Variants in CCSER1 observed in about 807,000 individuals in gnomAD.
CCSER1 encodes serine-rich coiled-coil domain-containing protein 1.
In CCSER1, 41 loss-of-function variants were observed where a neutral mutation model predicts 82.0. The observed-to-expected ratio is 0.50, with a 90% confidence interval of 0.39 to 0.65. CCSER1 has a LOEUF of 0.65. Among genes scored for constraint, CCSER1 ranks in the 30% least tolerant of loss-of-function variants. CCSER1 has a pLI of 0.00. For missense variants in CCSER1, 1,119 were observed against 1,064.2 expected, an observed-to-expected ratio of 1.05 and a Z score of -0.72; for synonymous variants, 414 against 383.9, an observed-to-expected ratio of 1.08 and a Z score of -0.92.
rs571579190 is a variant in CCSER1, at chr4:90,791,373, A to T, written c.2011-24389A>T. On this transcript the variant is annotated intron_variant, in intron 7 of 10. Coordinates refer to ENST00000509176, the MANE Select transcript of CCSER1 (RefSeq NM_001145065.2). ...ATCTTTTGTGGAAAGAAGAGTCAAC[A>T]AATGTGGTAAACTTCATTCTCTTAC... is the stretch of plus-strand genomic sequence containing the variant. 2.6e-5 allele frequency among the ~76,000 whole-genome samples: 4 copies of T among 152,168 alleles called. No individual in the cohort carries two copies. The South Asian group carries it at 8.3e-4, about 32-fold the overall frequency.
chr4:90,274,263 G>A (rs1319452192), intron 1 of CCSER1, among the ~76,000 whole-genome samples: 4 of 152,112 alleles, frequency 2.6e-5, no homozygotes, highest in African/African-American at 9.7e-5. Flanking sequence ...TTTAGTGGTA[G>A]ATTCATGTCA....
chr4:90,948,967 A>G (rs1732588699), intron 9 of CCSER1, among the ~76,000 whole-genome samples: 1 of 152,116 alleles, frequency 6.6e-6, no homozygotes, highest in Admixed American at 6.5e-5. Flanking sequence ...TAATGTTATT[A>G]TAATTAGCGT....
At chr4:91,270,088 G>T (rs897599100) in intron 10 of CCSER1, among the ~76,000 whole-genome samples, 7 of 152,136 alleles carry the variant, frequency 4.6e-5, no homozygotes, top group Non-Finnish European at 1.0e-4. Context: ...ATGTAGCTAA[G>T]GGTGCTTTTT....
intron 10 of CCSER1, among the ~76,000 whole-genome samples, chr4:91,481,387 C>T (rs1221704944): frequency 6.6e-6 from 1 of 151,938 alleles, no homozygotes; most frequent in African/African-American, 2.4e-5. Flanking sequence ...TCTGTAGTTG[C>T]GCATACTTAG....
chr4:90,859,779 A>G (rs1764861369), intron 8 of CCSER1, among the ~76,000 whole-genome samples: 1 of 151,780 alleles, frequency 6.6e-6, no homozygotes, highest in African/African-American at 2.4e-5. Context: ...ATCAAGATAT[A>G]TTTAAGGACT....
At chr4:90,600,367 T>C (rs2148747260) in intron 5 of CCSER1, among the ~76,000 whole-genome samples, 1 of 152,296 alleles carries the variant, frequency 6.6e-6, no homozygotes, top group African/African-American at 2.4e-5. Flanking sequence ...TTTTTAGTTT[T>C]AGCCTTTTAG....
chr4:91,365,263 C>T (rs1749530976), intron 10 of CCSER1, among the ~76,000 whole-genome samples: 1 of 152,144 alleles, frequency 6.6e-6, no homozygotes, highest in Non-Finnish European at 1.5e-5. Context: ...TCCATGCGTG[C>T]ATCATACATG....
chr4:90,782,282 A>G (rs1404701022), intron 7 of CCSER1, among the ~76,000 whole-genome samples: 12 of 152,208 alleles, frequency 7.9e-5, no homozygotes, highest in African/African-American at 2.4e-5. Context: ...TTTTAACTTC[A>G]AATTTCAGCC....
intron 1 of CCSER1, among the ~76,000 whole-genome samples, chr4:90,281,212 C>T (rs918916554): frequency 3.3e-5 from 5 of 151,992 alleles, no homozygotes; most frequent in Admixed American, 6.6e-5. Context: ...CTAAACGCCA[C>T]GTGATCTCAC....
chr4:90,315,598 G>T (rs540502022), intron 3 of CCSER1, among the ~76,000 whole-genome samples: 12 of 151,804 alleles, frequency 7.9e-5, no homozygotes, highest in Non-Finnish European at 1.6e-4. Flanking sequence ...TCCCCTCCCC[G>T]GTTCAAGTGA....
At chr4:90,310,981 C>T (rs1236731914) in intron 2 of CCSER1, among the ~76,000 whole-genome samples, 1 of 151,918 alleles carries the variant, frequency 6.6e-6, no homozygotes, top group Non-Finnish European at 1.5e-5. Context: ...AGCTCCTTTA[C>T]CTGTAATATA....
intron 8 of CCSER1, among the ~76,000 whole-genome samples, chr4:90,879,683 A>G (rs1425145954): frequency 1.3e-5 from 2 of 151,876 alleles, no homozygotes; most frequent in African/African-American, 4.8e-5. Flanking sequence ...AGAAAGAAGA[A>G]GAAGAGGAAG....
intron 10 of CCSER1, among the ~76,000 whole-genome samples, chr4:91,171,728 T>G (rs545176776): frequency 9.9e-5 from 15 of 152,240 alleles, no homozygotes; most frequent in African/African-American, 3.1e-4. Context: ...GAGTGGAATA[T>G]CTAGGCAAAA....
At chr4:91,291,104 G>C (rs983255429) in intron 10 of CCSER1, among the ~76,000 whole-genome samples, 1 of 151,266 alleles carries the variant, frequency 6.6e-6, no homozygotes, top group African/African-American at 2.4e-5. Context: ...ACCTTTCACA[G>C]TATTAATAAA....
chr4:91,542,677 T>C (rs1761666670), intron 10 of CCSER1, among the ~76,000 whole-genome samples: 1 of 152,230 alleles, frequency 6.6e-6, no homozygotes, highest in African/African-American at 2.4e-5. Context: ...CAGTTTGTTA[T>C]AATTTCTGTT....
At chr4:90,700,717 A>G (rs62314430) in intron 6 of CCSER1, among the ~76,000 whole-genome samples, 1 of 151,946 alleles carries the variant, frequency 6.6e-6, no homozygotes, top group Non-Finnish European at 1.5e-5. Context: ...TGTGATTTTG[A>G]TTTGCATTTC....
At chr4:90,201,283 T>A (rs1225299676) in intron 1 of CCSER1, among the ~76,000 whole-genome samples, 1 of 152,136 alleles carries the variant, frequency 6.6e-6, no homozygotes, top group East Asian at 1.9e-4. Context: ...TTACGTAAAC[T>A]TTTTTGGGTT....
chr4:90,350,213 C>T lies in CCSER1; in HGVS notation c.1509+37166C>T, dbSNP rs766520615. On this transcript the variant is annotated intron_variant, in intron 3 of 10. Transcript: ENST00000509176. ...ACTGAAGAAACTCTTATAGAGAAGA[C>T]GAATATGAACTGAGCATTCAAATAT... 4.3e-4 allele frequency among the ~76,000 whole-genome samples: 65 copies of T among 152,012 alleles called. 1 individual carries two copies. The highest frequency in any genetic ancestry group is 8.3e-4 in the South Asian group (4 of 4,808).
At chr4:90,924,163 A>T (rs78864248) in intron 9 of CCSER1, among the ~76,000 whole-genome samples, 2 of 152,304 alleles carry the variant, frequency 1.3e-5, no homozygotes, top group South Asian at 4.1e-4. Context: ...TGTAGCTAAC[A>T]TGTATGAGGA....
Sources: allele counts gnomAD v4.1 joint callset (sites outside exome capture counted in the v4.1 genomes callset), GRCh38; gene constraint gnomAD v4.1.1; transcripts MANE v1.5; gene names NCBI Gene and HGNC (gene_info 2026-07-23, HGNC 2026-07-21).